WDR7: variants seen among roughly 807,000 people sequenced by gnomAD.
The protein encoded by WDR7 is WD repeat-containing protein 7.
In WDR7, 46 loss-of-function variants were observed where a neutral mutation model predicts 169.4. That is an observed-to-expected ratio of 0.27 (90% CI 0.21 to 0.35). The LOEUF is 0.35. Ranked by LOEUF, WDR7 falls within the 10% of genes least tolerant of loss-of-function variation. The pLI is 1.00. For missense variants in WDR7, 1,534 were observed against 1,859.3 expected, an observed-to-expected ratio of 0.83 and a Z score of 3.22; for synonymous variants, 612 against 666.8, an observed-to-expected ratio of 0.92 and a Z score of 1.27.
intron 14 of WDR7, among the ~76,000 whole-genome samples, chr18:56,754,416 C>T (rs1371621365): frequency 8.0e-6 from 1 of 125,686 alleles, no homozygotes; most frequent in Non-Finnish European, 1.7e-5. Flanking sequence ...CATATATACA[C>T]ACACAAATAT....
chr18:56,775,475 C>T (rs560048774), intron 16 of WDR7, among the ~76,000 whole-genome samples: 1 of 152,128 alleles, frequency 6.6e-6, no homozygotes, highest in East Asian at 1.9e-4. Context: ...TGCAAGATTA[C>T]TTTGTAATGG....
intron 16 of WDR7, among the ~76,000 whole-genome samples, chr18:56,763,223 T>C (rs917244607): frequency 4.6e-5 from 7 of 152,236 alleles, no homozygotes; most frequent in Non-Finnish European, 8.8e-5. Context: ...TGGGATTACA[T>C]GCGTGAGCCA....
At chr18:56,660,308 C>T (rs1234480423) in intron 1 of WDR7, among the ~76,000 whole-genome samples, 1 of 152,134 alleles carries the variant, frequency 6.6e-6, no homozygotes, top group Non-Finnish European at 1.5e-5. Flanking sequence ...TTCAGAAAAG[C>T]ATCCCACACA....
At chr18:57,010,396 A>G (rs961618451) in intron 26 of WDR7, 4 of 605,328 alleles carry the variant, frequency 6.6e-6, no homozygotes, top group Admixed American at 6.3e-5. Context: ...TAGAGTGTCC[A>G]TGAATCATCT....
At chr18:56,700,289 A>G (rs2510190) in intron 12 of WDR7, among the ~76,000 whole-genome samples, 105,238 of 113,772 alleles carry the variant, frequency 0.92, 49,360 homozygotes, top group East Asian at 1. Flanking sequence ...ATGGAGTCTT[A>G]CGCTGTTGCC....
At position 56,989,526 on chromosome 18, in the gene WDR7, A is replaced by T. The variant is rs199619473; in HGVS notation, c.4164+26997A>T. ...CTCTAATTTGTATGCAATTTTCAGA[A>T]GGTCTTGTCAAGTAGTTAGGCATTT... On this transcript the variant is annotated intron_variant, in intron 26 of 27. Coordinates refer to ENST00000254442, the MANE Select transcript of WDR7 (RefSeq NM_015285.3). Among the ~76,000 whole-genome samples, 4 of 152,178 alleles carry T rather than the reference A, an allele frequency of 2.6e-5. No homozygotes were observed. In the East Asian group the frequency reaches 7.7e-4, roughly 29 times the overall value.
At chr18:56,807,197 A>G (rs1344361180) in intron 19 of WDR7, among the ~76,000 whole-genome samples, 1 of 151,420 alleles carries the variant, frequency 6.6e-6, no homozygotes, top group East Asian at 1.9e-4. Flanking sequence ...GTACCTTCTT[A>G]TCTAAAAGAA....
rs973548346 is a variant in WDR7 at position 56,767,923 on chromosome 18, A to G, written c.2849-8859A>G. Among the ~76,000 whole-genome samples the G allele has an allele frequency of 6.6e-5, 10 of 152,360 alleles. 1 individual carries two copies. In the East Asian group the frequency reaches 1.9e-3, roughly 29 times the overall value. ...ATTCATTGACAATATTTTCCAGGATATACTCAACGAATCAATGGTGGGACG... is the reference window on the plus strand; with the variant it reads ...ATTCATTGACAATATTTTCCAGGATGTACTCAACGAATCAATGGTGGGACG... On this transcript the variant is annotated intron_variant, in intron 16 of 27. Coordinates refer to ENST00000254442, the MANE Select transcript of WDR7 (RefSeq NM_015285.3).
intron 20 of WDR7, among the ~76,000 whole-genome samples, chr18:56,855,748 T>G (rs990137826): frequency 3.9e-5 from 6 of 152,208 alleles, no homozygotes; most frequent in Non-Finnish European, 8.8e-5. Flanking sequence ...TCATTCCTTC[T>G]TTTCTTCTTC....
intron 14 of WDR7, among the ~76,000 whole-genome samples, chr18:56,750,696 T>C (rs925864322): frequency 2.0e-5 from 3 of 152,240 alleles, no homozygotes; most frequent in Non-Finnish European, 4.4e-5. Context: ...TTTGAATGAA[T>C]TAGTGTGCTC....
chr18:56,744,957 G>A (rs1368017444), intron 14 of WDR7, among the ~76,000 whole-genome samples: 7 of 152,262 alleles, frequency 4.6e-5, no homozygotes, highest in Middle Eastern at 3.4e-3. Context: ...GTTGAGTGGA[G>A]TGGAAGTTGT....
chr18:57,003,060 C>A (rs1033014850), intron 26 of WDR7, among the ~76,000 whole-genome samples: 2 of 152,078 alleles, frequency 1.3e-5, no homozygotes, highest in Non-Finnish European at 2.9e-5. Flanking sequence ...TATTTCACTG[C>A]AGTTTCATCT....
chr18:56,937,896 G>GTT (rs1599173742), intron 23 of WDR7, among the ~76,000 whole-genome samples: 2 of 152,238 alleles, frequency 1.3e-5, no homozygotes, highest in East Asian at 3.9e-4. Context: ...TATTTTGTAT[G>GTT]TTATATATAT....
chr18:57,015,301 C>T (rs952069790), intron 26 of WDR7, among the ~76,000 whole-genome samples: 28 of 152,146 alleles, frequency 1.8e-4, no homozygotes, highest in Admixed American at 1.3e-4. Flanking sequence ...TCTAATCGGC[C>T]ATAGATGAGA....
chr18:57,011,217 A>C (rs1489517558), intron 26 of WDR7, among the ~76,000 whole-genome samples: 1 of 152,234 alleles, frequency 6.6e-6, no homozygotes, highest in Non-Finnish European at 1.5e-5. Flanking sequence ...CCACAGAAGA[A>C]ATATTGAAAA....
intron 16 of WDR7, among the ~76,000 whole-genome samples, chr18:56,776,500 T>A (rs1307084701): frequency 6.6e-6 from 1 of 152,192 alleles, no homozygotes; most frequent in Non-Finnish European, 1.5e-5. Flanking sequence ...TGGCTCTAGT[T>A]GTTTTAGAGC....
At chr18:56,772,566 G>A (rs1393643551) in intron 16 of WDR7, among the ~76,000 whole-genome samples, 1 of 152,078 alleles carries the variant, frequency 6.6e-6, no homozygotes, top group Non-Finnish European at 1.5e-5. Flanking sequence ...AAAATCCCCA[G>A]CAAGGTGTCC....
chr18:56,886,332 T>G (rs2046193665), intron 21 of WDR7, among the ~76,000 whole-genome samples: 2 of 152,182 alleles, frequency 1.3e-5, no homozygotes, highest in South Asian at 4.1e-4. Flanking sequence ...TTTAGCTTCC[T>G]TAGCCAAAAC....
At chr18:56,974,530 T>C in intron 26 of WDR7, among the ~76,000 whole-genome samples, 1 of 152,152 alleles carries the variant, frequency 6.6e-6, no homozygotes, top group Non-Finnish European at 1.5e-5. Flanking sequence ...TATTCAGCTT[T>C]GGTTAACTCT....
Sources: allele counts gnomAD v4.1 joint callset (sites outside exome capture counted in the v4.1 genomes callset), GRCh38; gene constraint gnomAD v4.1.1; transcripts MANE v1.5; gene names NCBI Gene and HGNC (gene_info 2026-07-23, HGNC 2026-07-21).